ASTN1: variants seen among roughly 807,000 people sequenced by gnomAD.
ASTN1 encodes astrotactin-1.
A neutral mutation model predicts 140.7 loss-of-function variants in ASTN1; 41 were observed. That is an observed-to-expected ratio of 0.29 (90% CI 0.23 to 0.38). The LOEUF (loss-of-function observed/expected upper bound fraction) is 0.38. ASTN1 is among the 10% of genes least tolerant of loss of function. The probability of loss-of-function intolerance (pLI) is 1.00; values close to 1 mark genes in which losing one functional copy is unlikely to be tolerated. For synonymous variants in ASTN1, 640 were observed against 652.2 expected, an observed-to-expected ratio of 0.98 and a Z score of 0.29; for missense variants, 1,479 against 1,678.8, an observed-to-expected ratio of 0.88 and a Z score of 2.08.
At chr1:176,938,800 A>G (rs1671559578) in intron 14 of ASTN1, among the ~76,000 whole-genome samples, 1 of 152,208 alleles carries the variant, frequency 6.6e-6, no homozygotes, top group Admixed American at 6.5e-5. Flanking sequence ...TGAGAACAAA[A>G]TAAAATTATG....
chr1:176,943,822 T>C, intron 14 of ASTN1, 69 bp downstream of exon 14: 3 of 1,498,944 alleles, frequency 2.0e-6, no homozygotes, highest in East Asian at 4.8e-5. Flanking sequence ...AGGTCAAATC[T>C]TAATTTTATG....
intron 2 of ASTN1, among the ~76,000 whole-genome samples, chr1:177,058,852 C>T (rs534899000): frequency 6.3e-4 from 96 of 151,476 alleles, no homozygotes; most frequent in African/African-American, 2.3e-3. Flanking sequence ...CACATACACA[C>T]ACACTTCTCT....
chr1:176,860,657 G>GTT (rs930484870), downstream of ASTN1, among the ~76,000 whole-genome samples: 77 of 152,308 alleles, frequency 5.1e-4, no homozygotes, highest in African/African-American at 1.7e-3. Flanking sequence ...AATTTCAGCA[G>GTT]TTCTCATAGC....
At chr1:177,142,692 G>T (rs1376126104) in intron 1 of ASTN1, among the ~76,000 whole-genome samples, 3 of 152,078 alleles carry the variant, frequency 2.0e-5, no homozygotes, top group Non-Finnish European at 2.9e-5. Context: ...GAAAGATTCT[G>T]CTTTAAAAAA....
At chr1:177,113,200 C>T (rs1377980349) in intron 1 of ASTN1, among the ~76,000 whole-genome samples, 2 of 152,084 alleles carry the variant, frequency 1.3e-5, no homozygotes, top group Non-Finnish European at 2.9e-5. Flanking sequence ...CCACAGGAAA[C>T]AATAACTCAT....
intron 16 of ASTN1, among the ~76,000 whole-genome samples, chr1:176,896,329 AG>A (rs1337556426): frequency 2.6e-5 from 4 of 152,236 alleles, no homozygotes; most frequent in African/African-American, 9.6e-5. Flanking sequence ...TGATTATAAG[AG>A]AACTGTATAA....
intron 16 of ASTN1, among the ~76,000 whole-genome samples, chr1:176,909,728 T>TAACC (rs3040990): frequency 1.2e-3 from 180 of 151,946 alleles, no homozygotes; most frequent in African/African-American, 4.1e-3. Context: ...CTGTTAGTAC[T>TAACC]GAGTGCCAAG....
chr1:177,086,994 C>T (rs372603854), intron 1 of ASTN1, among the ~76,000 whole-genome samples: 3 of 152,086 alleles, frequency 2.0e-5, no homozygotes, highest in East Asian at 1.9e-4. Context: ...AACTAGAAAA[C>T]GGCATCTATT....
intron 2 of ASTN1, among the ~76,000 whole-genome samples, chr1:177,053,718 G>T (rs1377093218): frequency 6.6e-6 from 1 of 152,166 alleles, no homozygotes; most frequent in Non-Finnish European, 1.5e-5. Context: ...TGTATATGAA[G>T]AAGCTAAGTT....
chr1:177,043,774 G>A (rs1230951019), intron 2 of ASTN1, among the ~76,000 whole-genome samples: 1 of 152,186 alleles, frequency 6.6e-6, no homozygotes, highest in Admixed American at 6.5e-5. Flanking sequence ...AACACGATTA[G>A]AGCATCATAT....
intron 1 of ASTN1, among the ~76,000 whole-genome samples, chr1:177,067,364 T>C (rs1339642081): frequency 1.3e-5 from 2 of 152,174 alleles, no homozygotes; most frequent in African/African-American, 2.4e-5. Flanking sequence ...CTCCGGACTT[T>C]AGTAGTGATA....
intron 2 of ASTN1, among the ~76,000 whole-genome samples, chr1:177,042,950 G>A (rs1677047490): frequency 6.6e-6 from 1 of 152,194 alleles, no homozygotes; most frequent in African/African-American, 2.4e-5. Context: ...GCCTGTCCCA[G>A]ATACCTGCAA....
chr1:177,133,451 G>A (rs368836756), intron 1 of ASTN1, among the ~76,000 whole-genome samples: 4 of 152,266 alleles, frequency 2.6e-5, no homozygotes, highest in East Asian at 3.9e-4. Context: ...CTCAAAGTCC[G>A]TGTGCCATGT....
At chr1:176,911,679 G>T (rs1461832970) in intron 16 of ASTN1, among the ~76,000 whole-genome samples, 2 of 152,268 alleles carry the variant, frequency 1.3e-5, no homozygotes, top group African/African-American at 4.8e-5. Flanking sequence ...GTCATCTCCT[G>T]AAATAACAAT....
chr1:177,137,663 G>A (rs1682263126), intron 1 of ASTN1, among the ~76,000 whole-genome samples: 1 of 152,116 alleles, frequency 6.6e-6, no homozygotes, highest in South Asian at 2.1e-4. Context: ...GCTCAGCCTT[G>A]GCATTAACTC....
At chr1:177,130,281 T>C (rs974782588) in intron 1 of ASTN1, among the ~76,000 whole-genome samples, 3 of 152,094 alleles carry the variant, frequency 2.0e-5, no homozygotes, top group African/African-American at 7.2e-5. Flanking sequence ...GGCAGGGTGG[T>C]CCGTGTGACC....
intron 8 of ASTN1, among the ~76,000 whole-genome samples, chr1:176,999,995 C>T (rs571792242): frequency 2.6e-5 from 4 of 151,920 alleles, no homozygotes; most frequent in Admixed American, 1.3e-4. Context: ...TGGAGTAATA[C>T]GAATGTATGT....
At chr1:176,925,510 G>A (rs532677541) in intron 16 of ASTN1, among the ~76,000 whole-genome samples, 2 of 152,128 alleles carry the variant, frequency 1.3e-5, no homozygotes, top group African/African-American at 4.8e-5. Context: ...AAGCACTGTT[G>A]GATAAGAGAC....
At chr1:176,997,364 TAG>T (rs1301950675) in intron 8 of ASTN1, among the ~76,000 whole-genome samples, 1 of 152,136 alleles carries the variant, frequency 6.6e-6, no homozygotes, top group Non-Finnish European at 1.5e-5. Context: ...GGTCTTCTTA[TAG>T]AGTTTTAACC....
Sources: gnomAD v4.1 joint callset for allele counts (sites outside exome capture counted in the v4.1 genomes callset) on GRCh38, gnomAD v4.1.1 for gene constraint, MANE v1.5 for transcripts, NCBI Gene and HGNC (gene_info 2026-07-23, HGNC 2026-07-21) for gene names.